The following TENM3 variants were observed in gnomAD, a reference collection of about 807,000 sequenced individuals.
TENM3 encodes teneurin-3.
Under a neutral mutation model 255.1 loss-of-function variants are expected in TENM3, and 63 were observed. The ratio of observed to expected loss-of-function variants is 0.25; its 90% CI spans 0.20 to 0.30. TENM3 has a LOEUF of 0.30. Among genes scored for constraint, TENM3 ranks in the 10% least tolerant of loss-of-function variants. TENM3 has a pLI of 1.00. For synonymous variants in TENM3, 1,306 were observed against 1,322.3 expected (o/e 0.99, Z 0.27); for missense variants, 2,929 against 3,461.1 (o/e 0.85, Z 3.86).
At chr4:182,289,224 T>C (rs1760951159) in intron 1 of TENM3, among the ~76,000 whole-genome samples, 1 of 152,230 alleles carries the variant, frequency 6.6e-6, no homozygotes, top group South Asian at 2.1e-4. Context: ...TGAGATGCTG[T>C]CTCTACAAAA....
At chr4:182,735,030 A>C (rs1761057797) in intron 16 of TENM3, among the ~76,000 whole-genome samples, 2 of 152,310 alleles carry the variant, frequency 1.3e-5, no homozygotes, top group Non-Finnish European at 2.9e-5. Context: ...CTATTTTTCA[A>C]ATTAACTCCT....
chr4:182,514,135 C>T (rs1737696919), intron 3 of TENM3, among the ~76,000 whole-genome samples: 1 of 152,230 alleles, frequency 6.6e-6, no homozygotes, highest in African/African-American at 2.4e-5. Context: ...TGGCAGTCAC[C>T]TTCTACTCTG....
the TENM3 span, among the ~76,000 whole-genome samples, chr4:181,908,713 T>C: frequency 1.3e-5 from 2 of 152,222 alleles, no homozygotes; most frequent in African/African-American, 4.8e-5. Context: ...TATTTTAATA[T>C]GCATTTTATG....
chr4:181,533,899 A>G, the TENM3 span, among the ~76,000 whole-genome samples: 1 of 152,176 alleles, frequency 6.6e-6, no homozygotes, highest in Non-Finnish European at 1.5e-5. Flanking sequence ...CAGTGCTATT[A>G]TCATTTATAG....
At chr4:181,994,607 T>G in the TENM3 span, among the ~76,000 whole-genome samples, 2 of 151,470 alleles carry the variant, frequency 1.3e-5, no homozygotes, top group Non-Finnish European at 2.9e-5. Flanking sequence ...TTGAATTGTT[T>G]TCTTCAGGCA....
At chr4:181,522,621 G>T in the TENM3 span, 9 of 521,014 alleles carry the variant, frequency 1.7e-5, no homozygotes, top group Admixed American at 1.8e-4. Context: ...TATTCTTCTT[G>T]AGGTCTCCAA....
At chr4:182,172,943 C>T (rs1328554530) in intron 1 of TENM3, among the ~76,000 whole-genome samples, 5 of 152,016 alleles carry the variant, frequency 3.3e-5, no homozygotes, top group Middle Eastern at 3.2e-3. Context: ...TTCTTACATA[C>T]CAACATGAAT....
chr4:182,540,584 CA>C (rs913612967), intron 3 of TENM3, among the ~76,000 whole-genome samples: 124 of 145,032 alleles, frequency 8.5e-4, no homozygotes, highest in African/African-American at 2.1e-3. Context: ...AACTCCATTT[CA>C]AAAAAAAAAA....
intron 3 of TENM3, among the ~76,000 whole-genome samples, chr4:182,427,883 C>T (rs1330221653): frequency 2.0e-5 from 3 of 151,444 alleles, no homozygotes; most frequent in South Asian, 4.2e-4. Flanking sequence ...ATCCATTACT[C>T]GCAGCTGTGT....
the TENM3 span, among the ~76,000 whole-genome samples, chr4:181,701,708 T>C: frequency 3.9e-5 from 6 of 152,320 alleles, no homozygotes; most frequent in African/African-American, 1.4e-4. Flanking sequence ...AAATATTTCA[T>C]TAAGTTCAAG....
chr4:182,563,964 GATCCTT>G (rs1743493442), intron 3 of TENM3, among the ~76,000 whole-genome samples: 1 of 152,120 alleles, frequency 6.6e-6, no homozygotes, highest in Non-Finnish European at 1.5e-5. Flanking sequence ...ACTACCACCA[GATCCTT>G]CGCTCCTGCC....
intron 1 of TENM3, among the ~76,000 whole-genome samples, chr4:182,286,895 T>C (rs529575669): frequency 6.6e-6 from 1 of 152,184 alleles, no homozygotes; most frequent in East Asian, 1.9e-4. Flanking sequence ...TACACAACAG[T>C]CCAGACGGAA....
intron 4 of TENM3, among the ~76,000 whole-genome samples, chr4:182,612,203 C>T (rs866522795): frequency 1.3e-5 from 2 of 148,616 alleles, no homozygotes; most frequent in African/African-American, 2.5e-5. Context: ...ACCTGGGAGG[C>T]GGAGGTTGCA....
At chr4:182,202,727 C>CAG (rs373483487) in intron 1 of TENM3, among the ~76,000 whole-genome samples, 1 of 151,520 alleles carries the variant, frequency 6.6e-6, no homozygotes, top group South Asian at 2.1e-4. Context: ...CAGAATGTGG[C>CAG]AGAGAGAGAG....
intron 3 of TENM3, among the ~76,000 whole-genome samples, chr4:182,518,294 C>T (rs933098542): frequency 1.5e-5 from 2 of 134,920 alleles, no homozygotes; most frequent in Non-Finnish European, 3.4e-5. Context: ...TGCGCCCATT[C>T]TGTATGAATC....
the TENM3 span, among the ~76,000 whole-genome samples, chr4:181,690,499 A>T: frequency 6.6e-6 from 1 of 152,360 alleles, no homozygotes; most frequent in East Asian, 1.9e-4. Context: ...ATAAGCCTTT[A>T]AATAAATAAT....
intron 1 of TENM3, among the ~76,000 whole-genome samples, chr4:182,260,716 G>A (rs1031385949): frequency 6.6e-6 from 1 of 152,070 alleles, no homozygotes. Flanking sequence ...AAATAGATGA[G>A]TTATTCTTAC....
chr4:181,547,992 A>G, the TENM3 span, among the ~76,000 whole-genome samples: 5 of 150,118 alleles, frequency 3.3e-5, no homozygotes, highest in East Asian at 9.9e-4. Flanking sequence ...CTGGTGTGTG[A>G]TGTTCCCCTT....
chr4:182,361,938 C>G (rs890880653), intron 3 of TENM3, among the ~76,000 whole-genome samples: 4 of 152,220 alleles, frequency 2.6e-5, no homozygotes, highest in Non-Finnish European at 2.9e-5. Context: ...TTCTGACAGA[C>G]AGGACCCTCA....
Sources: gnomAD v4.1 joint callset for allele counts (sites outside exome capture counted in the v4.1 genomes callset) on GRCh38, gnomAD v4.1.1 for gene constraint, MANE v1.5 for transcripts, NCBI Gene and HGNC (gene_info 2026-07-23, HGNC 2026-07-21) for gene names.